Variants in MMP15 observed in about 807,000 individuals in gnomAD.
The protein encoded by MMP15 is matrix metalloproteinase-15.
MMP15 carries 36 observed loss-of-function variants against 65.0 expected under a neutral mutation model. The observed-to-expected ratio is 0.55, with a 90% CI of 0.42 to 0.73. The LOEUF is 0.73. MMP15 is among the 30% of genes least tolerant of loss of function. The pLI is 0.00. For missense variants in MMP15, 870 were observed against 987.8 expected (o/e 0.88, Z 1.60); for synonymous variants, 428 against 410.2 (o/e 1.04, Z -0.52).
At chr16:58,042,675 GC>G (rs796266150) in intron 7 of MMP15, among the ~76,000 whole-genome samples, 10 of 152,338 alleles carry the variant, frequency 6.6e-5, no homozygotes, top group African/African-American at 1.4e-4. Flanking sequence ...AAGAACAGGT[GC>G]CCCCAGCCCA....
In MMP15 at chr16:58,038,354, C is replaced by G; in HGVS notation, c.400C>G (p.Leu134Val). The G allele has an allele frequency of 1.9e-6, 3 of 1,614,056 alleles. No homozygotes were observed. Among genetic ancestry groups the G allele is most frequent in the Admixed American group, 1.7e-5 (1 of 60,016 alleles). The stretch of plus-strand genomic sequence containing the variant: ...GCGGCGGCGTCGGAAGCGCTACGCC[C>G]TCACCGGGAGGAAGTGGAACAACCA... ...NLRRRRKRYA[L>V]TGRKWNNHHL... Residue 134 changes from leucine (L) to valine (V), a missense_variant, in exon 3 of 10, where the codon CTC becomes GTC. By Grantham distance (32) the Leu-to-Val change is conservative. Transcript: ENST00000219271.
At chr16:58,027,131 AC>A (rs1473699931) in intron 1 of MMP15, among the ~76,000 whole-genome samples, 2 of 152,248 alleles carry the variant, frequency 1.3e-5, no homozygotes, top group East Asian at 3.9e-4. Context: ...AAGCCTAGGC[AC>A]GCCCGGGCGG....
chr16:58,027,924 C>T (rs958278849), intron 1 of MMP15, among the ~76,000 whole-genome samples: 3 of 152,076 alleles, frequency 2.0e-5, no homozygotes, highest in Non-Finnish European at 4.4e-5. Context: ...TGAGGATTAC[C>T]CCTCAGCCTG....
intron 9 of MMP15, among the ~76,000 whole-genome samples, chr16:58,044,748 G>C (rs1400775954): frequency 6.6e-6 from 1 of 152,192 alleles, no homozygotes; most frequent in African/African-American, 2.4e-5. Context: ...AACCCAGCAG[G>C]CTATAGGACC....
At chr16:58,043,427 C>T in intron 8 of MMP15, 67 bp downstream of exon 8, 2 of 1,592,956 alleles carry the variant, frequency 1.3e-6, no homozygotes, top group Admixed American at 1.8e-5. Flanking sequence ...CTCAGGCCTA[C>T]CCAGAAAGAA....
chr16:58,038,369 TG>T lies in MMP15; in HGVS notation c.417del (p.Trp139Ter), dbSNP rs1959379443. ...GCGCTACGCCCTCACCGGGAGGAAGTGGAACAACCACCATCTGACCTTTAGG... is the reference window on the plus strand; with the variant it reads ...GCGCTACGCCCTCACCGGGAGGAAGTGAACAACCACCATCTGACCTTTAGG... ...RKRYALTGRK[W>X]NNHHLTFSIQ... On this transcript the variant is annotated frameshift_variant, in exon 3 of 10. Transcript: ENST00000219271. LOFTEE classifies it high-confidence loss of function. The T allele has an allele frequency of 1.2e-6, 2 of 1,613,876 alleles. No individual in the cohort carries two copies. The highest frequency in any genetic ancestry group is 1.3e-5 in the African/African-American group (1 of 74,916).
intron 1 of MMP15, among the ~76,000 whole-genome samples, chr16:58,028,673 C>T (rs935208391): frequency 1.3e-5 from 2 of 152,214 alleles, no homozygotes; most frequent in Admixed American, 6.5e-5. Flanking sequence ...AGGGTCACAG[C>T]TGGGACCTTC....
At chr16:58,033,424 A>G (rs886273816) in intron 1 of MMP15, among the ~76,000 whole-genome samples, 6 of 152,170 alleles carry the variant, frequency 3.9e-5, no homozygotes, top group African/African-American at 1.4e-4. Flanking sequence ...ACCCTTCAGG[A>G]GTGGCTGTGA....
rs371680236 is a variant in MMP15, at chr16:58,035,300, C to T, written c.163-2172C>T. On this transcript the variant is annotated intron_variant, in intron 1 of 9. Transcript: ENST00000219271. ...AGTATCTTATTGAGCTGTGGGAATG[C>T]GCCCTGGGCCAGAGGTGAGGAGTGC... 1.9e-4 allele frequency among the ~76,000 whole-genome samples: 29 copies of T among 152,326 alleles called. No homozygotes were observed. In the East Asian group the frequency reaches 2.7e-3, roughly 14 times the overall value.
intron 1 of MMP15, among the ~76,000 whole-genome samples, chr16:58,030,757 C>T (rs766096609): frequency 4.6e-5 from 7 of 152,302 alleles, no homozygotes; most frequent in Admixed American, 1.3e-4. Context: ...GTGGCCTACA[C>T]CCTGTGTCCA....
At chr16:58,036,945 G>A (rs927100812) in intron 1 of MMP15, among the ~76,000 whole-genome samples, 1 of 152,234 alleles carries the variant, frequency 6.6e-6, no homozygotes, top group Non-Finnish European at 1.5e-5. Context: ...GATAAGCATG[G>A]GAGGAAGGAG....
chr16:58,026,844 CT>C (rs1352060540), intron 1 of MMP15, among the ~76,000 whole-genome samples: 1 of 152,228 alleles, frequency 6.6e-6, no homozygotes, highest in African/African-American at 2.4e-5. Context: ...GCCTCCCCTC[CT>C]TCCTTCCCTC....
At position 58,037,622 on chromosome 16, in the gene MMP15, T is replaced by C; in HGVS notation, c.311+2T>C. 1 of 1,613,788 alleles carries C rather than the reference T, an allele frequency of 6.2e-7. No homozygotes were observed. Among genetic ancestry groups the C allele is most frequent in the Non-Finnish European group, 8.5e-7 (1 of 1,179,936 alleles). ...TGTGCTCGACGAAGAGACCAAGGAG[T>C]GAGTTCCCCCCACCATCCACACCCC... On this transcript the variant is annotated splice_donor_variant, in intron 2 of 9. Transcript: ENST00000219271. LOFTEE classifies it high-confidence loss of function.
rs752217711 is a variant in MMP15 at position 58,026,449 on chromosome 16, C to G, written c.99C>G (p.Leu33=). Residue 33 remains leucine, a synonymous_variant, in exon 1 of 10, where the codon CTC becomes CTG. Transcript: ENST00000219271. ...CGCGGCCGCGACTGCTGCCGCTGCT[C>G]CTGGTGCTTCTGGGCTGCCTGGGCC... The part of the protein sequence containing the change: ...EAARPRLLPL[L]LVLLGCLGLG... The G allele has an allele frequency of 1.4e-6, 2 of 1,452,300 alleles. No individual in the cohort carries two copies. Among genetic ancestry groups the G allele is most frequent in the South Asian group, 2.7e-5 (2 of 73,836 alleles). 90.0% of individuals were successfully genotyped at this position (1,452,300 alleles called of 1,614,324 possible).
chr16:58,041,141 C>T (rs1282297473), intron 5 of MMP15, among the ~76,000 whole-genome samples: 3 of 152,118 alleles, frequency 2.0e-5, no homozygotes, highest in African/African-American at 4.8e-5. Flanking sequence ...AGGGCCCACC[C>T]GAGAAAGTCT....
At chr16:58,030,147 C>G (rs1597061684) in intron 1 of MMP15, among the ~76,000 whole-genome samples, 1 of 152,198 alleles carries the variant, frequency 6.6e-6, no homozygotes, top group East Asian at 1.9e-4. Flanking sequence ...TGCTTTGGTC[C>G]TGGAGATGTG....
rs1399716846 is a variant in MMP15, at chr16:58,042,480, GC to G, written c.1303+116del. The stretch of plus-strand genomic sequence containing the variant: ...GGTTGCATTGCATGTCTGGTCCTGT[GC>G]CCCCACTGTGGGCTCACTCTGGGAG... On this transcript the variant is annotated intron_variant, in intron 7 of 9. Transcript: ENST00000219271. 4.9e-6 allele frequency: 7 copies of G among 1,437,634 alleles called. No individual in the cohort carries two copies. The African/African-American group carries it at 9.8e-5, about 20-fold the overall frequency. 89.1% of individuals were successfully genotyped at this position (1,437,634 alleles called of 1,614,324 possible). A position where few individuals can be genotyped will look rare whatever the true frequency, so the allele number is the denominator to read the frequency against.
chr16:58,040,396 T>C, intron 4 of MMP15, 141 bp from the exon 5 acceptor site: 1 of 1,156,948 alleles, frequency 8.6e-7, no homozygotes, highest in Non-Finnish European at 1.2e-6. Context: ...GATGGGGTTG[T>C]TGTAGGCCGA....
chr16:58,038,345 C>T lies in MMP15; in HGVS notation c.391C>T (p.Arg131Cys), dbSNP rs1959378446. ...AGCCAACCTGCGGCGGCGTCGGAAG[C>T]GCTACGCCCTCACCGGGAGGAAGTG... ...VKANLRRRRKRYALTGRKWNN... is the reference protein window; with the variant it reads ...VKANLRRRRKCYALTGRKWNN... Residue 131 changes from arginine (R) to cysteine (C), a missense_variant, in exon 3 of 10, where the codon CGC becomes TGC. Transcript: ENST00000219271. 1.9e-6 allele frequency: 3 copies of T among 1,614,060 alleles called. No individual in the cohort carries two copies. Among genetic ancestry groups the T allele is most frequent in the African/African-American group, 1.3e-5 (1 of 75,044 alleles).
Sources: allele counts gnomAD v4.1 joint callset (sites outside exome capture counted in the v4.1 genomes callset), GRCh38; gene constraint gnomAD v4.1.1; transcripts MANE v1.5; gene names NCBI Gene and HGNC (gene_info 2026-07-23, HGNC 2026-07-21).